ELMO2: variants seen among roughly 807,000 people sequenced by gnomAD.
ELMO2 encodes engulfment and cell motility protein 2.
Under a neutral mutation model 96.2 loss-of-function variants are expected in ELMO2, and 37 were observed. The observed-to-expected ratio is 0.38, with a 90% CI of 0.30 to 0.51. The LOEUF is 0.51. Ranked by LOEUF, ELMO2 falls within the 20% of genes least tolerant of loss-of-function variation. ELMO2 has a pLI of 0.88. For missense variants in ELMO2, 561 were observed against 912.6 expected (o/e 0.61, Z 4.96); for synonymous variants, 315 against 329.4 (o/e 0.96, Z 0.47).
chr20:46,395,947 T>G (rs1236614273), intron 2 of ELMO2, among the ~76,000 whole-genome samples: 8 of 152,252 alleles, frequency 5.3e-5, no homozygotes, highest in Admixed American at 5.2e-4. Flanking sequence ...GTCACCCAGC[T>G]AGTAAGTCAT....
At chr20:46,388,805 C>T (rs967657734) in intron 7 of ELMO2, among the ~76,000 whole-genome samples, 2 of 152,204 alleles carry the variant, frequency 1.3e-5, no homozygotes, top group African/African-American at 4.8e-5. Context: ...TCACTTGGCA[C>T]AGTACTGTTT....
In ELMO2 at chr20:46,394,522, G is replaced by C. The variant is rs1156588567; in HGVS notation, c.-40C>G. On this transcript the variant is annotated 5_prime_UTR_variant, in exon 3 of 22. Coordinates refer to ENST00000290246, the MANE Select transcript of ELMO2 (RefSeq NM_133171.5). ...TCTAATTCTGCGAGACAAAAACACA[G>C]ACACGGCTGCCTGGGGAGAAAGAAT... The C allele has an allele frequency of 1.3e-6, 2 of 1,597,600 alleles. No homozygotes were observed. Among genetic ancestry groups the C allele is most frequent in the East Asian group, 4.5e-5 (2 of 44,804 alleles).
chr20:46,397,356 GTTCT>G (rs1356022887), intron 2 of ELMO2, among the ~76,000 whole-genome samples: 2 of 152,162 alleles, frequency 1.3e-5, no homozygotes, highest in African/African-American at 4.8e-5. Flanking sequence ...AACTATTCCA[GTTCT>G]TTCTCTTGAA....
chr20:46,377,878 C>G (rs6011949), intron 11 of ELMO2, among the ~76,000 whole-genome samples: 14 of 152,138 alleles, frequency 9.2e-5, no homozygotes, highest in African/African-American at 3.4e-4. Flanking sequence ...CCCACTCCCC[C>G]CAGTCTCTCT....
chr20:46,383,269 A>G, intron 10 of ELMO2, 147 bp downstream of exon 10: 1 of 826,698 alleles, frequency 1.2e-6, no homozygotes, highest in South Asian at 1.6e-5. Context: ...TAGCAAAGCC[A>G]CCCTCCTGGG....
Position 46,393,138 on chromosome 20 carries a change from G to A in ELMO2, c.198C>T (p.Arg66=). The change falls in exon 6 of 22, where the codon CGC becomes CGT. Residue 66 remains arginine, a synonymous_variant. Transcript: ENST00000290246. ...GPQLYITEQT[R]SDIKNGTILQ... Reference sequence around the variant, plus strand: ...AGATTGTCCCATTCTTAATGTCACTGCGAGTCTGGGTAGTGAAAAATAAAC... The same window carrying A: ...AGATTGTCCCATTCTTAATGTCACTACGAGTCTGGGTAGTGAAAAATAAAC... 6.2e-7 allele frequency: 1 copy of A among 1,613,950 alleles called. No individual in the cohort carries two copies. The highest frequency in any genetic ancestry group is 8.5e-7 in the Non-Finnish European group (1 of 1,179,844).
At chr20:46,403,406 G>T (rs1021943907) in intron 1 of ELMO2, among the ~76,000 whole-genome samples, 1 of 152,206 alleles carries the variant, frequency 6.6e-6, no homozygotes, top group Admixed American at 6.5e-5. Context: ...AACCAGCATA[G>T]CATGCCTAAT....
intron 20 of ELMO2, chr20:46,369,916 T>G: frequency 5.5e-6 from 1 of 182,814 alleles, no homozygotes; most frequent in Non-Finnish European, 1.1e-5. Context: ...TTAAGAAACT[T>G]AAAAGACCAG....
rs1258181493 is a variant in ELMO2, at chr20:46,371,511, C to A, written c.1694-52G>T. The A allele has an allele frequency of 1.2e-6, 2 of 1,610,382 alleles. No homozygotes were observed. The highest frequency in any genetic ancestry group is 2.2e-5 in the East Asian group (1 of 44,818). On this transcript the variant is annotated intron_variant, in intron 18 of 21. Transcript: ENST00000290246. This position sits in a 1 kb window ranked among gnomAD's most constrained non-coding sequence, Gnocchi z 5.9. ...TGAGCAACGACAGTACTGGGAAAGG[C>A]CTGGGCACAAAAGGGGCCATCCAGG...
chr20:46,403,940 C>T (rs1308263883), intron 1 of ELMO2, among the ~76,000 whole-genome samples: 1 of 152,102 alleles, frequency 6.6e-6, no homozygotes, highest in Non-Finnish European at 1.5e-5. Flanking sequence ...AAAAATCAGC[C>T]GGGCACGGTG....
intron 6 of ELMO2, among the ~76,000 whole-genome samples, chr20:46,391,579 A>G (rs1214245678): frequency 6.6e-6 from 1 of 152,188 alleles, no homozygotes; most frequent in Non-Finnish European, 1.5e-5. Context: ...AGGTGCAACC[A>G]TATTGGCTGT....
chr20:46,406,284 G>A (rs1036248322), intron 1 of ELMO2, among the ~76,000 whole-genome samples: 7 of 151,792 alleles, frequency 4.6e-5, no homozygotes, highest in Non-Finnish European at 7.4e-5. Flanking sequence ...CTGACTGCCT[G>A]GCCCGCCCTC....
In ELMO2 at chr20:46,373,492, A is replaced by G. The variant is rs1056091154; in HGVS notation, c.1323T>C (p.His441=). Residue 441 remains histidine (H), a synonymous_variant, in exon 16 of 22, where the codon CAT becomes CAC. Coordinates refer to ENST00000290246, the MANE Select transcript of ELMO2 (RefSeq NM_133171.5). ...CAAAGAGCTCTTCAAAGGCTCGGTC[A>G]TGGGTAAAGAACATCGGGTGGTAGT... The part of the protein sequence containing the change: ...RNDYHPMFFT[H]DRAFEELFGI... 1.2e-6 allele frequency: 2 copies of G among 1,614,210 alleles called. No individual in the cohort carries two copies. The highest frequency in any genetic ancestry group is 1.7e-6 in the Non-Finnish European group (2 of 1,180,038).
At chr20:46,403,867 T>C (rs1466906564) in intron 1 of ELMO2, among the ~76,000 whole-genome samples, 5 of 152,226 alleles carry the variant, frequency 3.3e-5, no homozygotes, top group Admixed American at 3.3e-4. Context: ...GCGGGTCACT[T>C]GAGATCAGGA....
Position 46,383,399 on chromosome 20 carries a change from A to G in ELMO2, c.756+17T>C, listed in dbSNP as rs564337185. The G allele has an allele frequency of 6.2e-7, 1 of 1,612,624 alleles. No individual in the cohort carries two copies. Among genetic ancestry groups the G allele is most frequent in the Admixed American group, 1.7e-5 (1 of 60,014 alleles). On this transcript the variant is annotated intron_variant, in intron 10 of 21. Coordinates refer to ENST00000290246, the MANE Select transcript of ELMO2 (RefSeq NM_133171.5). ...CAGAAGAGCCCAGATGAAAAATGTG[A>G]AAAGGCAGCCACAGACCTGTCGTTT...
intron 20 of ELMO2, chr20:46,370,181 G>A (rs1291184224): frequency 4.9e-6 from 3 of 610,096 alleles, no homozygotes; most frequent in South Asian, 3.1e-5. Flanking sequence ...AATATTTACA[G>A]ATGAAACAGT....
intron 1 of ELMO2, among the ~76,000 whole-genome samples, chr20:46,402,007 A>T (rs982953782): frequency 4.6e-5 from 7 of 152,172 alleles, no homozygotes; most frequent in African/African-American, 1.7e-4. Flanking sequence ...AGACCCACCC[A>T]ATCAGAATCT....
intron 1 of ELMO2, among the ~76,000 whole-genome samples, chr20:46,401,183 A>T (rs1414974987): frequency 2.0e-5 from 3 of 152,186 alleles, no homozygotes; most frequent in Admixed American, 2.0e-4. Context: ...AATCTCTATA[A>T]AGGCTTCCCC....
Position 46,366,987 on chromosome 20 carries a change from T to G in ELMO2, c.*373A>C, listed in dbSNP as rs1311608041. On this transcript the variant is annotated 3_prime_UTR_variant, in exon 22 of 22. Transcript: ENST00000290246. ...CAGGCAGCCTTTCCTGGGCCAGCTG[T>G]TGCTCACGTGGGGATCCAGCTGATC... The G allele has an allele frequency of 5.8e-6, 1 of 172,906 alleles. No homozygotes were observed. Among genetic ancestry groups the G allele is most frequent in the Non-Finnish European group, 1.2e-5 (1 of 82,312 alleles). The allele number at this position is 172,906 out of a possible 1,614,324, so 10.7% of individuals were successfully genotyped here. A position where few individuals can be genotyped will look rare whatever the true frequency, so the allele number is the denominator to read the frequency against.
Sources: gnomAD v4.1 joint callset for allele counts (sites outside exome capture counted in the v4.1 genomes callset) on GRCh38, gnomAD v4.1.1 for gene constraint, Gnocchi (gnomAD v3.1) non-coding constraint, MANE v1.5 for transcripts, NCBI Gene and HGNC (gene_info 2026-07-23, HGNC 2026-07-21) for gene names.